The following WWTR1 variants were observed in gnomAD, a reference collection of about 807,000 sequenced individuals.
The protein encoded by WWTR1 is WW domain containing transcription regulator 1.
Under a neutral mutation model 40.1 loss-of-function variants are expected in WWTR1, and 13 were observed. The observed-to-expected ratio is 0.32, with a 90% CI of 0.21 to 0.52. The LOEUF (loss-of-function observed/expected upper bound fraction) is 0.52. Among genes scored for constraint, WWTR1 ranks in the 20% least tolerant of loss-of-function variants. The probability of loss-of-function intolerance (pLI) is 0.97; values close to 1 mark genes in which losing one functional copy is unlikely to be tolerated. For synonymous variants in WWTR1, 230 were observed against 210.1 expected (o/e 1.09, Z -0.82); for missense variants, 436 against 523.1 (o/e 0.83, Z 1.63).
chr3:149,575,238 T>C (rs1368522577), intron 2 of WWTR1, among the ~76,000 whole-genome samples: 1 of 152,242 alleles, frequency 6.6e-6, no homozygotes, highest in Non-Finnish European at 1.5e-5. Flanking sequence ...TTTCATAAAA[T>C]CCATCAACTT....
chr3:149,607,478 G>A (rs1388112763), intron 2 of WWTR1, among the ~76,000 whole-genome samples: 2 of 151,978 alleles, frequency 1.3e-5, no homozygotes, highest in East Asian at 3.9e-4. Context: ...CAATGCCCGG[G>A]TAAATTTTTG....
chr3:149,716,670 C>T (rs1427344160), intron 5 of WWTR1, among the ~76,000 whole-genome samples: 2 of 151,904 alleles, frequency 1.3e-5, no homozygotes, highest in African/African-American at 4.8e-5. Flanking sequence ...AGTAAACAAA[C>T]AAAAAGTCAT....
At chr3:149,628,026 T>G (rs563312166) in intron 2 of WWTR1, among the ~76,000 whole-genome samples, 9 of 142,636 alleles carry the variant, frequency 6.3e-5, no homozygotes, top group African/African-American at 2.4e-4. Flanking sequence ...TGAGCCGAGA[T>G]GGCGCCATTG....
chr3:149,680,257 T>C (rs1228808314), intron 1 of WWTR1, among the ~76,000 whole-genome samples: 2 of 152,072 alleles, frequency 1.3e-5, no homozygotes, highest in African/African-American at 4.8e-5. Context: ...AAAATACTTA[T>C]CTGGGGCCGG....
intron 2 of WWTR1, among the ~76,000 whole-genome samples, chr3:149,607,011 G>C (rs950326806): frequency 2.6e-5 from 4 of 152,148 alleles, no homozygotes; most frequent in Admixed American, 2.6e-4. Context: ...TGGACTATTG[G>C]TTACGGTTAT....
intron 1 of WWTR1, among the ~76,000 whole-genome samples, chr3:149,693,232 TA>T (rs1216265922): frequency 1.3e-5 from 2 of 152,044 alleles, no homozygotes; most frequent in East Asian, 1.9e-4. Context: ...CCATGTACAA[TA>T]ACTATAAATA....
chr3:149,646,678 T>C (rs1712551265), intron 2 of WWTR1, among the ~76,000 whole-genome samples: 1 of 152,200 alleles, frequency 6.6e-6, no homozygotes, highest in Admixed American at 6.5e-5. Flanking sequence ...AGCAGACTGA[T>C]TGACAGATAG....
At chr3:149,635,105 T>C (rs1378096126) in intron 2 of WWTR1, among the ~76,000 whole-genome samples, 1 of 152,224 alleles carries the variant, frequency 6.6e-6, no homozygotes, top group African/African-American at 2.4e-5. Flanking sequence ...CTCTTCTTCA[T>C]GTGGTTGTGA....
rs529087871 is a variant in WWTR1, at chr3:149,714,337, C to G, written n.584+3105G>C. Among the ~76,000 whole-genome samples, 3 of 152,328 alleles carry G rather than the reference C, an allele frequency of 2.0e-5. No individual in the cohort carries two copies. The East Asian group carries it at 5.8e-4, about 29-fold the overall frequency. On this transcript the variant is annotated intron_variant and non_coding_transcript_variant, in intron 5 of 6. Coordinates refer to the WWTR1 transcript ENST00000474080. ...GAGCTGCGACTGCAGAACCAGGCATCTCTGAACTCTCAGGGGCCCAGGAAG... is the reference window on the plus strand; with the variant it reads ...GAGCTGCGACTGCAGAACCAGGCATGTCTGAACTCTCAGGGGCCCAGGAAG...
At chr3:149,707,472 C>T (rs1032912424), upstream of WWTR1, among the ~76,000 whole-genome samples, 3 of 151,894 alleles carry the variant, frequency 2.0e-5, no homozygotes, top group African/African-American at 7.3e-5. Flanking sequence ...AATATCTTCA[C>T]GAACAGGAGA....
At chr3:149,639,776 G>A (rs570404206) in intron 2 of WWTR1, among the ~76,000 whole-genome samples, 140 of 152,082 alleles carry the variant, frequency 9.2e-4, no homozygotes, top group African/African-American at 3.3e-3. Context: ...GGTGGATCAC[G>A]AGGTCAGGAG....
intron 3 of WWTR1, among the ~76,000 whole-genome samples, chr3:149,548,667 G>A (rs1302087490): frequency 6.6e-6 from 1 of 152,148 alleles, no homozygotes. Context: ...AAATTACTTG[G>A]CTCCCTTCAA....
chr3:149,625,374 T>C (rs1422922488), intron 2 of WWTR1, among the ~76,000 whole-genome samples: 7 of 151,818 alleles, frequency 4.6e-5, no homozygotes, highest in Admixed American at 4.6e-4. Flanking sequence ...CGCCTAAGCC[T>C]CCCAAAATGC....
chr3:149,684,738 A>AT (rs1200284691), intron 1 of WWTR1, among the ~76,000 whole-genome samples: 1 of 151,848 alleles, frequency 6.6e-6, no homozygotes, highest in African/African-American at 2.4e-5. Flanking sequence ...TAATTTTTGT[A>AT]TTTTTTGTAG....
intron 2 of WWTR1, among the ~76,000 whole-genome samples, chr3:149,587,393 G>A (rs906424137): frequency 2.5e-4 from 38 of 152,184 alleles, no homozygotes; most frequent in Non-Finnish European, 4.7e-4. Flanking sequence ...CAGTAATGAT[G>A]ATGACCCCAA....
At chr3:149,677,871 C>A (rs1006427679) in intron 1 of WWTR1, among the ~76,000 whole-genome samples, 1 of 152,122 alleles carries the variant, frequency 6.6e-6, no homozygotes, top group Admixed American at 6.5e-5. Context: ...TGAAGCAATT[C>A]TCCTGCCTCA....
intron 2 of WWTR1, among the ~76,000 whole-genome samples, chr3:149,619,625 AAAAC>A (rs931958704): frequency 1.9e-4 from 29 of 152,278 alleles, no homozygotes; most frequent in Admixed American, 4.6e-4. Context: ...CCTGTCACCA[AAAAC>A]AAACAAACAA....
chr3:149,564,546 AAAATAGAGGGAATCACCCTTAACTC>A (rs1344876968), intron 3 of WWTR1, among the ~76,000 whole-genome samples: 1 of 151,822 alleles, frequency 6.6e-6, no homozygotes, highest in Admixed American at 6.6e-5. Flanking sequence ...CATTACAGAG[AAAATAGAGGGAATCACCCTTAACTC>A]AAAGGCTTAA....
At position 149,701,136 on chromosome 3, in the gene WWTR1, C is replaced by CT. The variant is rs902831109; in HGVS notation, c.-108+1987dup. 4.1e-3 allele frequency among the ~76,000 whole-genome samples: 627 copies of CT among 151,480 alleles called. 5 individuals are homozygous for CT. The highest frequency in any genetic ancestry group is 0.015 in the African/African-American group (599 of 41,284). The stretch of plus-strand genomic sequence containing the variant: ...CCCTGTCCTGATTTTAAAAGCCTTT[C>CT]TTTTTTTTTCTTTTCTTTTTTTAGG... On this transcript the variant is annotated intron_variant, in intron 1 of 7. Transcript: ENST00000465804.
Sources: gnomAD v4.1 joint callset for allele counts (sites outside exome capture counted in the v4.1 genomes callset) on GRCh38, gnomAD v4.1.1 for gene constraint, MANE v1.5 for transcripts, NCBI Gene and HGNC (gene_info 2026-07-23, HGNC 2026-07-21) for gene names.